LCMT1: variants seen among roughly 807,000 people sequenced by gnomAD.
LCMT1 encodes [Phosphatase 2A protein]-leucine-carboxy methyltransferase 1.
In LCMT1, 32 loss-of-function variants were observed where a neutral mutation model predicts 47.7. The observed-to-expected ratio is 0.67, with a 90% CI of 0.51 to 0.90. LCMT1 has a LOEUF of 0.90. Ranked by LOEUF, LCMT1 falls within the 40% of genes least tolerant of loss-of-function variation. The pLI, the probability that LCMT1 is intolerant of heterozygous loss-of-function variation, is 0.00. For missense variants in LCMT1, 375 were observed against 415.2 expected (o/e 0.90, Z 0.84); for synonymous variants, 152 against 149.7 (o/e 1.02, Z -0.11).
intron 3 of LCMT1, among the ~76,000 whole-genome samples, chr16:25,136,083 G>A (rs1303996015): frequency 2.3e-5 from 3 of 131,788 alleles, no homozygotes; most frequent in Non-Finnish European, 4.7e-5. Context: ...CAAGCGAGAT[G>A]CTGTCTCAAA....
intron 5 of LCMT1, among the ~76,000 whole-genome samples, chr16:25,154,658 T>G (rs906387220): frequency 6.6e-6 from 1 of 151,942 alleles, no homozygotes; most frequent in African/African-American, 2.4e-5. Flanking sequence ...GGCTAATTTT[T>G]TTTGTATTTT....
intron 2 of LCMT1, chr16:25,132,151 T>A: frequency 1.9e-6 from 1 of 519,472 alleles, no homozygotes; most frequent in Non-Finnish European, 3.6e-6. Context: ...TACATAAAAC[T>A]ATAGCTCATT....
At chr16:25,139,930 T>A (rs1960629672) in intron 3 of LCMT1, 1 of 497,372 alleles carries the variant, frequency 2.0e-6, no homozygotes, top group Non-Finnish European at 3.6e-6. Context: ...TCAGGCTCCT[T>A]CCTGGACCTT....
intron 3 of LCMT1, among the ~76,000 whole-genome samples, chr16:25,137,574 A>G (rs900203320): frequency 6.6e-6 from 1 of 151,742 alleles, no homozygotes; most frequent in Admixed American, 6.6e-5. Context: ...CCTTCCAAGT[A>G]GCTGGGGACT....
intron 1 of LCMT1, among the ~76,000 whole-genome samples, chr16:25,127,945 C>A (rs1960236036): frequency 6.6e-6 from 1 of 152,194 alleles, no homozygotes; most frequent in Admixed American, 6.5e-5. Flanking sequence ...TTTGTTCGTG[C>A]TTGCTTTGTT....
intron 2 of LCMT1, chr16:25,132,057 T>C: frequency 2.6e-6 from 1 of 386,954 alleles, no homozygotes; most frequent in Non-Finnish European, 5.1e-6. Flanking sequence ...TTTACCCGAG[T>C]CCAGAGTGGC....
chr16:25,138,420 G>A (rs1055901926), intron 3 of LCMT1, among the ~76,000 whole-genome samples: 7 of 152,050 alleles, frequency 4.6e-5, no homozygotes, highest in Non-Finnish European at 8.8e-5. Context: ...GGAGGGCACC[G>A]AGAGAACACT....
intron 1 of LCMT1, among the ~76,000 whole-genome samples, chr16:25,128,181 T>G (rs61671644): frequency 0.066 from 9,998 of 152,248 alleles, 405 homozygotes; most frequent in East Asian, 0.14. Context: ...GTATGAAGCA[T>G]GAAGTGAGGC....
At position 25,132,428 on chromosome 16, in the gene LCMT1, A is replaced by G. The variant is rs753531839; in HGVS notation, c.232A>G (p.Ser78Gly). Residue 78 changes from serine (S) to glycine (G), a missense_variant, in exon 3 of 11, where the codon AGT becomes GGT. By Grantham distance (56) the Ser-to-Gly change is moderately conservative. Coordinates refer to ENST00000399069, the MANE Select transcript of LCMT1 (RefSeq NM_016309.3). ...RGYFARVHGV[S>G]QLIKAFLRKT... ...ATATTTTGCTCGAGTCCATGGTGTC[A>G]GTCAGCTTATAAAGGCATTTCTACG... The G allele has an allele frequency of 6.2e-7, 1 of 1,613,806 alleles. No homozygotes were observed. Among genetic ancestry groups the G allele is most frequent in the East Asian group, 2.2e-5 (1 of 44,868 alleles).
intron 1 of LCMT1, among the ~76,000 whole-genome samples, chr16:25,112,461 C>T (rs1959652265): frequency 6.6e-6 from 1 of 152,218 alleles, no homozygotes; most frequent in Admixed American, 6.5e-5. Flanking sequence ...CAAGTAATAT[C>T]TCTTTGCAGA....
At chr16:25,174,540 C>T (rs940230215) in intron 9 of LCMT1, among the ~76,000 whole-genome samples, 3 of 152,076 alleles carry the variant, frequency 2.0e-5, no homozygotes, top group Non-Finnish European at 4.4e-5. Context: ...CATATTAATA[C>T]GTATGGACCT....
intron 5 of LCMT1, among the ~76,000 whole-genome samples, chr16:25,156,869 T>A (rs1016477808): frequency 2.6e-5 from 4 of 151,900 alleles, no homozygotes; most frequent in African/African-American, 9.7e-5. Flanking sequence ...CCCATGAGTG[T>A]CAGTTGGGTG....
At chr16:25,115,118 T>C (rs1959746138) in intron 1 of LCMT1, among the ~76,000 whole-genome samples, 1 of 152,196 alleles carries the variant, frequency 6.6e-6, no homozygotes, top group Admixed American at 6.5e-5. Context: ...GATGCTGCAC[T>C]GCCTCACAGA....
At chr16:25,130,136 C>G (rs368252212) in intron 2 of LCMT1, among the ~76,000 whole-genome samples, 2 of 151,034 alleles carry the variant, frequency 1.3e-5, no homozygotes. Context: ...GTCAGGAGAT[C>G]GAGACCATCC....
chr16:25,177,957 G>A (rs371814534), intron 10 of LCMT1, 44 bp from the exon 11 acceptor site: 110 of 1,602,674 alleles, frequency 6.9e-5, no homozygotes, highest in Non-Finnish European at 9.1e-5. Context: ...TCTGCTCCTG[G>A]CCACCAGAGT....
chr16:25,139,434 C>T (rs774032587), intron 3 of LCMT1, among the ~76,000 whole-genome samples: 2 of 151,754 alleles, frequency 1.3e-5, no homozygotes, highest in African/African-American at 2.4e-5. Flanking sequence ...CGCTTGAACC[C>T]GGGAGGCAGA....
At chr16:25,122,861 G>C (rs1960034213) in intron 1 of LCMT1, among the ~76,000 whole-genome samples, 1 of 152,046 alleles carries the variant, frequency 6.6e-6, no homozygotes, top group South Asian at 2.1e-4. Flanking sequence ...ATGTTGCCCA[G>C]GCTGGTCTCA....
chr16:25,174,180 G>A (rs185017153), intron 9 of LCMT1, among the ~76,000 whole-genome samples: 4 of 152,338 alleles, frequency 2.6e-5, no homozygotes, highest in Admixed American at 6.5e-5. Flanking sequence ...CCAAAGTGCT[G>A]GGATTACAGG....
At chr16:25,154,489 C>CTTTT (rs748304475) in intron 5 of LCMT1, among the ~76,000 whole-genome samples, 5 of 123,750 alleles carry the variant, frequency 4.0e-5, no homozygotes, top group African/African-American at 6.1e-5. Context: ...TGGATGTGTT[C>CTTTT]TTTTTTTTTT....
Sources: allele counts gnomAD v4.1 joint callset (sites outside exome capture counted in the v4.1 genomes callset), GRCh38; gene constraint gnomAD v4.1.1; transcripts MANE v1.5; gene names NCBI Gene and HGNC (gene_info 2026-07-23, HGNC 2026-07-21).